SHTN1: variants seen among roughly 807,000 people sequenced by gnomAD.
The protein encoded by SHTN1 is shootin-1.
SHTN1 carries 42 observed loss-of-function variants against 83.1 expected under a neutral mutation model. That is an observed-to-expected ratio of 0.51 (90% CI 0.39 to 0.65). The LOEUF is 0.65. Among genes scored for constraint, SHTN1 ranks in the 30% least tolerant of loss-of-function variants. The probability of loss-of-function intolerance (pLI) is 0.00; values close to 1 mark genes in which losing one functional copy is unlikely to be tolerated. For missense variants in SHTN1, 622 were observed against 737.8 expected (o/e 0.84, Z 1.82); for synonymous variants, 224 against 247.7 (o/e 0.90, Z 0.90).
At chr10:116,904,481 A>T (rs748007595) in intron 15 of SHTN1, among the ~76,000 whole-genome samples, 2 of 151,804 alleles carry the variant, frequency 1.3e-5, no homozygotes, top group Non-Finnish European at 2.9e-5. Context: ...AACTCAAAGG[A>T]AATTTCTGCT....
At chr10:117,018,127 G>A (rs935122654) in intron 2 of SHTN1, among the ~76,000 whole-genome samples, 6 of 152,116 alleles carry the variant, frequency 3.9e-5, no homozygotes, top group Non-Finnish European at 5.9e-5. Flanking sequence ...GGGCATTAGT[G>A]AAAAAATGAG....
intron 2 of SHTN1, among the ~76,000 whole-genome samples, chr10:117,035,436 T>A (rs1244786032): frequency 6.6e-6 from 1 of 152,116 alleles, no homozygotes; most frequent in African/African-American, 2.4e-5. Context: ...AAAAATTTCT[T>A]GAGTAATATC....
rs1391116089 is a variant in SHTN1, at chr10:116,990,290, T to TC, written c.59-10983_59-10982insG. Among the ~76,000 whole-genome samples, 209 of 147,020 alleles carry TC rather than the reference T, an allele frequency of 1.4e-3. 1 individual carries two copies. Among genetic ancestry groups the TC allele is most frequent in the African/African-American group, 4.2e-3 (170 of 40,370 alleles). ...TTTTTCTTTTTCTTTTTTCTTTCTT[T>TC]TTTTTTTTTTTTTTGGTGTGGTTTG... On this transcript the variant is annotated intron_variant, in intron 1 of 16. Coordinates refer to ENST00000355371, the MANE Select transcript of SHTN1 (RefSeq NM_001127211.3).
At chr10:116,893,829 GTAAGT>G (rs980886241) in intron 16 of SHTN1, among the ~76,000 whole-genome samples, 17 of 152,082 alleles carry the variant, frequency 1.1e-4, no homozygotes, top group East Asian at 3.8e-4. Context: ...TTTCCCTAAA[GTAAGT>G]TAAGAATCTC....
chr10:117,120,292 G>T (rs1853904327), intron 1 of SHTN1, among the ~76,000 whole-genome samples: 1 of 149,460 alleles, frequency 6.7e-6, no homozygotes, highest in Non-Finnish European at 1.5e-5. Flanking sequence ...CTGTTGCCCA[G>T]GCTGGAGTGC....
intron 1 of SHTN1, among the ~76,000 whole-genome samples, chr10:116,987,308 CCCTT>C (rs1851253590): frequency 6.6e-6 from 1 of 152,162 alleles, no homozygotes; most frequent in Non-Finnish European, 1.5e-5. Context: ...CAGAACACTT[CCCTT>C]CCTTCCATAC....
At position 116,986,898 on chromosome 10, in the gene SHTN1, T is replaced by G. The variant is rs574225556; in HGVS notation, c.59-7590A>C. Among the ~76,000 whole-genome samples the G allele has an allele frequency of 7.0e-4, 106 of 151,832 alleles. 2 individuals carry two copies. The South Asian group carries it at 0.021, about 30-fold the overall frequency. On this transcript the variant is annotated intron_variant, in intron 1 of 16. Coordinates refer to ENST00000355371, the MANE Select transcript of SHTN1 (RefSeq NM_001127211.3). ...CGCCCGCCACCACACCCAGCTAATTTTGGCATTTTTAGTAGAGACGGGGTT... is the reference window on the plus strand; with the variant it reads ...CGCCCGCCACCACACCCAGCTAATTGTGGCATTTTTAGTAGAGACGGGGTT...
At chr10:116,904,666 C>T (rs1012573171) in intron 15 of SHTN1, among the ~76,000 whole-genome samples, 1 of 152,068 alleles carries the variant, frequency 6.6e-6, no homozygotes, top group Non-Finnish European at 1.5e-5. Flanking sequence ...GAAAAATTCC[C>T]ACCATGTTCA....
chr10:116,900,631 C>T, intron 16 of SHTN1: 1 of 1,520,852 alleles, frequency 6.6e-7, no homozygotes, highest in Admixed American at 2.0e-5. Context: ...GCTTTTGTGT[C>T]TGGATATTGG....
At chr10:117,103,970 G>C (rs1853638866) in intron 1 of SHTN1, among the ~76,000 whole-genome samples, 1 of 152,174 alleles carries the variant, frequency 6.6e-6, no homozygotes, top group Non-Finnish European at 1.5e-5. Flanking sequence ...GATTAGGGCT[G>C]AGGCTTTCAG....
At chr10:117,097,554 A>AT (rs1853522252) in intron 1 of SHTN1, among the ~76,000 whole-genome samples, 1 of 152,182 alleles carries the variant, frequency 6.6e-6, no homozygotes, top group South Asian at 2.1e-4. Context: ...GGGGTTTTGG[A>AT]TTTTTTGACA....
At chr10:117,122,045 A>G (rs1853937132) in intron 1 of SHTN1, among the ~76,000 whole-genome samples, 1 of 152,212 alleles carries the variant, frequency 6.6e-6, no homozygotes, top group South Asian at 2.1e-4. Flanking sequence ...AAATAAAAAT[A>G]AAATAAAAAT....
intron 9 of SHTN1, among the ~76,000 whole-genome samples, chr10:116,930,289 A>C (rs1283216143): frequency 6.6e-6 from 1 of 152,030 alleles, no homozygotes; most frequent in Non-Finnish European, 1.5e-5. Context: ...TTATATAGGT[A>C]AATTGTGTGT....
intron 14 of SHTN1, among the ~76,000 whole-genome samples, chr10:116,909,544 C>G (rs748623199): frequency 1.2e-4 from 19 of 152,272 alleles, no homozygotes; most frequent in Non-Finnish European, 2.5e-4. Context: ...TTTCCTAAAC[C>G]TCAAAACCTT....
chr10:116,911,778 A>G lies in SHTN1; in HGVS notation c.1359+12T>C. Reference sequence around the variant, plus strand: ...CCCATTAGCTAAACAATAAACTGAAATCTATTCTTACCAGTATTCCTTTTA... The same window carrying G: ...CCCATTAGCTAAACAATAAACTGAAGTCTATTCTTACCAGTATTCCTTTTA... On this transcript the variant is annotated intron_variant, in intron 14 of 16. Transcript: ENST00000355371. 1 of 1,606,406 alleles carries G rather than the reference A, an allele frequency of 6.2e-7. No homozygotes were observed. The highest frequency in any genetic ancestry group is 8.5e-7 in the Non-Finnish European group (1 of 1,173,326).
At chr10:116,958,934 G>A (rs1214888131) in intron 4 of SHTN1, among the ~76,000 whole-genome samples, 4 of 152,172 alleles carry the variant, frequency 2.6e-5, no homozygotes, top group African/African-American at 9.7e-5. Context: ...AAGGTAGCCA[G>A]TATCCTCACT....
chr10:117,101,504 C>T (rs1019043120), intron 1 of SHTN1, among the ~76,000 whole-genome samples: 2 of 152,152 alleles, frequency 1.3e-5, no homozygotes, highest in African/African-American at 4.8e-5. Flanking sequence ...ACGTGAAAGG[C>T]AGGCCAATAC....
intron 1 of SHTN1, among the ~76,000 whole-genome samples, chr10:117,002,557 A>T (rs1851860167): frequency 6.6e-6 from 1 of 152,224 alleles, no homozygotes; most frequent in Admixed American, 6.5e-5. Context: ...TCAAAAATAA[A>T]CCATGCAACC....
At chr10:116,915,312 CA>C in intron 13 of SHTN1, 62 bp downstream of exon 13, 1 of 916,458 alleles carries the variant, frequency 1.1e-6, no homozygotes, top group Non-Finnish European at 1.8e-6. Context: ...CATCAAATTT[CA>C]AATTTATACA....
Sources: allele counts gnomAD v4.1 joint callset (sites outside exome capture counted in the v4.1 genomes callset), GRCh38; gene constraint gnomAD v4.1.1; transcripts MANE v1.5; gene names NCBI Gene and HGNC (gene_info 2026-07-23, HGNC 2026-07-21).